The following C6orf62 variants were observed in gnomAD, a reference collection of about 807,000 sequenced individuals.
C6orf62 encodes chromosome 6 open reading frame 62.
C6orf62 carries 16 observed loss-of-function variants against 26.8 expected under a neutral mutation model. The observed-to-expected ratio is 0.60, with a 90% CI of 0.40 to 0.91. The LOEUF (loss-of-function observed/expected upper bound fraction) is 0.91. Ranked by LOEUF, C6orf62 falls within the 40% of genes least tolerant of loss-of-function variation. The pLI, the probability that C6orf62 is intolerant of heterozygous loss-of-function variation, is 0.00. For synonymous variants in C6orf62, 112 were observed against 91.5 expected (o/e 1.22, Z -1.28); for missense variants, 192 against 271.4 (o/e 0.71, Z 2.06).
Position 24,706,259 on chromosome 6 carries a change from G to A in C6orf62, c.568C>T (p.Pro190Ser), listed in dbSNP as rs768618881. 14 of 1,614,074 alleles carry A rather than the reference G, an allele frequency of 8.7e-6. No homozygotes were observed. The highest frequency in any genetic ancestry group is 1.3e-5 in the African/African-American group (1 of 75,048). The change falls in exon 5 of 5, where the codon CCA becomes TCA. Residue 190 changes from proline to serine, a missense_variant. Physicochemically the swap from Pro to Ser is moderately conservative, Grantham distance 74. Coordinates refer to ENST00000378119, the MANE Select transcript of C6orf62 (RefSeq NM_030939.5). ...TTGAAGATTGTAGCTTTGTTTTTTG[G>A]AGTCTGGAAGGGGAAAACATTTTAA... Reference protein sequence around the residue: ...LFIDRQHLQTPKNKATIFKLC... With the variant: ...LFIDRQHLQTSKNKATIFKLC...
intron 2 of C6orf62, among the ~76,000 whole-genome samples, chr6:24,715,156 T>C (rs1779197082): frequency 6.6e-6 from 1 of 152,254 alleles, no homozygotes; most frequent in African/African-American, 2.4e-5. Flanking sequence ...TTTATTTTGA[T>C]AGAAAACTAC....
upstream of C6orf62, chr6:24,720,648 T>C (rs1180663200): frequency 6.5e-6 from 1 of 153,014 alleles, no homozygotes; most frequent in Non-Finnish European, 1.5e-5. Flanking sequence ...AAGCATCTGC[T>C]CTTGAGTCTT....
intron 1 of C6orf62, among the ~76,000 whole-genome samples, chr6:24,716,878 C>T (rs899814928): frequency 6.6e-6 from 1 of 152,018 alleles, no homozygotes; most frequent in African/African-American, 2.4e-5. Flanking sequence ...CCTGCGCCAC[C>T]ACACCTGGCT....
upstream of C6orf62, chr6:24,719,564 AGG>A: frequency 8.1e-7 from 1 of 1,230,334 alleles, no homozygotes; most frequent in Non-Finnish European, 1.0e-6. Context: ...TGACGGCAGA[AGG>A]AAAAGGGGTA....
rs375105748 is a variant in C6orf62, at chr6:24,716,933, G to A, written c.130-609C>T. Among the ~76,000 whole-genome samples, 92 of 152,150 alleles carry A rather than the reference G, an allele frequency of 6.0e-4. No individual in the cohort carries two copies. The South Asian group carries it at 0.017, about 29-fold the overall frequency. ...GAGACAGGGTTTCACCATTTGGCCA[G>A]GCTGGCCTTGAACTCCTGACCTCAA... On this transcript the variant is annotated intron_variant, in intron 1 of 4. Transcript: ENST00000378119.
chr6:24,706,611 G>A lies in C6orf62; in HGVS notation c.565-349C>T, dbSNP rs533729430. ...GAATAGAAGCTAGTGAGAGGATGAA[G>A]GAATAGGTAAAAATTTAAGGCTGGG... On this transcript the variant is annotated intron_variant, in intron 4 of 4. Coordinates refer to ENST00000378119, the MANE Select transcript of C6orf62 (RefSeq NM_030939.5). 110 of 196,850 alleles carry A rather than the reference G, an allele frequency of 5.6e-4. 1 individual carries two copies. Among genetic ancestry groups the A allele is most frequent in the African/African-American group, 2.1e-3 (90 of 42,360 alleles). 12.2% of individuals were successfully genotyped at this position (196,850 alleles called of 1,614,324 possible).
upstream of C6orf62, chr6:24,720,299 G>GC (rs2127637796): frequency 7.7e-7 from 1 of 1,297,436 alleles, no homozygotes; most frequent in African/African-American, 1.5e-5. Context: ...GGCGGCGGCG[G>GC]GGGCGCTGCT....
At position 24,709,058 on chromosome 6, in the gene C6orf62, G is replaced by T. The variant is rs1348811364; in HGVS notation, c.430-147C>A. 6 of 1,447,378 alleles carry T rather than the reference G, an allele frequency of 4.1e-6. No homozygotes were observed. The African/African-American group carries it at 8.6e-5, about 21-fold the overall frequency. 89.7% of individuals were successfully genotyped at this position (1,447,378 alleles called of 1,614,324 possible). A position where few individuals can be genotyped will look rare whatever the true frequency, so the allele number is the denominator to read the frequency against. ...AAAAACAAATTTTGGCAAACCCACA[G>T]CCAATAATATCACAGGCAAAATTTA... On this transcript the variant is annotated intron_variant, in intron 3 of 4. Coordinates refer to ENST00000378119, the MANE Select transcript of C6orf62 (RefSeq NM_030939.5).
At chr6:24,720,501 GAGAGAAAAAGAAAA>G (rs1230286123), upstream of C6orf62, 19 of 563,392 alleles carry the variant, frequency 3.4e-5, no homozygotes, top group East Asian at 1.6e-3. Flanking sequence ...CGGCAACAGG[GAGAGAAAAAGAAAA>G]AGAGGAAAAA....
At chr6:24,716,350 A>G (rs1562171414) in intron 1 of C6orf62, 26 bp from the exon 2 acceptor site, 1 of 1,575,026 alleles carries the variant, frequency 6.3e-7, no homozygotes, top group South Asian at 1.1e-5. Context: ...ATGGTGTATT[A>G]ACCCACAGGG....
chr6:24,716,044 G>A (rs995690392), intron 2 of C6orf62, 104 bp downstream of exon 2: 2 of 800,394 alleles, frequency 2.5e-6, no homozygotes, highest in Admixed American at 4.6e-5. Context: ...TGAAGAGACT[G>A]GTCACTATCA....
chr6:24,719,890 G>A (rs752573090), upstream of C6orf62: 6 of 1,550,300 alleles, frequency 3.9e-6, no homozygotes, highest in South Asian at 1.2e-5. Flanking sequence ...GATCACTCAG[G>A]TTTTCACTCA....
intron 3 of C6orf62, among the ~76,000 whole-genome samples, chr6:24,712,931 A>T (rs1308477576): frequency 6.6e-6 from 1 of 152,210 alleles, no homozygotes; most frequent in Non-Finnish European, 1.5e-5. Context: ...ACCTCCAGAG[A>T]GCAGCTAGAG....
intron 3 of C6orf62, among the ~76,000 whole-genome samples, chr6:24,711,109 C>A (rs1779111439): frequency 6.6e-6 from 1 of 152,100 alleles, no homozygotes; most frequent in South Asian, 2.1e-4. Flanking sequence ...TGGTAAGCAA[C>A]CAGGGTGGGT....
upstream of C6orf62, chr6:24,719,611 T>TC: frequency 2.8e-6 from 4 of 1,425,404 alleles, no homozygotes; most frequent in Non-Finnish European, 3.7e-6. Context: ...GCTCTGTGGT[T>TC]AGACCTGATT....
intron 3 of C6orf62, among the ~76,000 whole-genome samples, chr6:24,713,923 T>C (rs1342604446): frequency 6.6e-6 from 1 of 152,210 alleles, no homozygotes; most frequent in Non-Finnish European, 1.5e-5. Flanking sequence ...GATCAACTTC[T>C]ACAAAATGAT....
At chr6:24,719,523 C>A (rs1779309552), upstream of C6orf62, 1 of 1,158,250 alleles carries the variant, frequency 8.6e-7, no homozygotes, top group Non-Finnish European at 1.1e-6. Context: ...CACCCTCAGG[C>A]GGCTGCTAAC....
At chr6:24,708,343 T>G (rs1363110219) in intron 4 of C6orf62, among the ~76,000 whole-genome samples, 2 of 152,128 alleles carry the variant, frequency 1.3e-5, no homozygotes, top group African/African-American at 4.8e-5. Context: ...GGAAATACTT[T>G]TTTAAAAATT....
At chr6:24,706,320 C>T in intron 4 of C6orf62, 58 bp from the exon 5 acceptor site, 2 of 1,589,144 alleles carry the variant, frequency 1.3e-6, no homozygotes. Context: ...GTAACTGTCA[C>T]ATGAAGTCCA....
Sources: allele counts gnomAD v4.1 joint callset (sites outside exome capture counted in the v4.1 genomes callset), GRCh38; gene constraint gnomAD v4.1.1; transcripts MANE v1.5; gene names NCBI Gene and HGNC (gene_info 2026-07-23, HGNC 2026-07-21).